Variants in CHLSN observed in about 807,000 individuals in gnomAD.
CHLSN encodes the protein cholesin, also known as protein cholesin.
the CHLSN span, among the ~76,000 whole-genome samples, chr7:1,108,842 C>T: frequency 6.6e-6 from 1 of 152,124 alleles, no homozygotes; most frequent in South Asian, 2.1e-4. Flanking sequence ...TCTTTACCAC[C>T]TGCTTTTGAA....
the CHLSN span, among the ~76,000 whole-genome samples, chr7:1,124,222 C>T: frequency 6.6e-6 from 1 of 152,006 alleles, no homozygotes; most frequent in Non-Finnish European, 1.5e-5. Context: ...GACACCACTC[C>T]CTCACTTGGG....
chr7:1,127,420 G>T, the CHLSN span: 1 of 1,578,554 alleles, frequency 6.3e-7, no homozygotes, highest in Non-Finnish European at 8.6e-7. Context: ...TGAAGACAAG[G>T]AAATGAAAGG....
chr7:1,121,111 G>A, the CHLSN span, among the ~76,000 whole-genome samples: 24 of 152,312 alleles, frequency 1.6e-4, 1 homozygote, highest in South Asian at 3.7e-3. Context: ...CCGGCCTCCC[G>A]CTGCCTACGC....
the CHLSN span, among the ~76,000 whole-genome samples, chr7:1,001,398 G>GGGAGTCCTGTGGGTGAGT: frequency 7.0e-6 from 1 of 143,466 alleles, no homozygotes; most frequent in African/African-American, 2.6e-5. Flanking sequence ...CCTGTGGGTG[G>GGGAGTCCTGTGGGTGAGT]GGAGTCCTGT....
the CHLSN span, among the ~76,000 whole-genome samples, chr7:1,011,035 C>A: frequency 6.6e-6 from 1 of 151,030 alleles, no homozygotes; most frequent in Non-Finnish European, 1.5e-5. Flanking sequence ...GTGAGGCAAG[C>A]CCCCCTACAT....
chr7:1,016,652 CACACA>C, the CHLSN span, among the ~76,000 whole-genome samples: 8,536 of 102,400 alleles, frequency 0.083, 1,492 homozygotes, highest in African/African-American at 0.095. Flanking sequence ...CGCACAGCAG[CACACA>C]GCAGCGCACA....
At chr7:1,085,182 G>A in the CHLSN span, among the ~76,000 whole-genome samples, 1 of 152,252 alleles carries the variant, frequency 6.6e-6, no homozygotes, top group African/African-American at 2.4e-5. Context: ...TTGGCTATGT[G>A]TGCATTTAGC....
At chr7:1,006,747 G>A in the CHLSN span, among the ~76,000 whole-genome samples, 77 of 151,030 alleles carry the variant, frequency 5.1e-4, no homozygotes, top group African/African-American at 1.8e-3. Context: ...AGCGCACGAT[G>A]GCCACATTGC....
chr7:1,125,284 T>C, the CHLSN span, among the ~76,000 whole-genome samples: 1 of 152,216 alleles, frequency 6.6e-6, no homozygotes. Flanking sequence ...GGAAGCCGCT[T>C]TGAAGGGCCC....
chr7:1,068,617 C>G, the CHLSN span, among the ~76,000 whole-genome samples: 2 of 152,268 alleles, frequency 1.3e-5, no homozygotes, highest in South Asian at 4.1e-4. Context: ...GTTGCCGATG[C>G]CTGCTTGTCG....
the CHLSN span, among the ~76,000 whole-genome samples, chr7:1,047,258 G>A: frequency 6.6e-6 from 1 of 152,180 alleles, no homozygotes; most frequent in Non-Finnish European, 1.5e-5. Flanking sequence ...CCCAGAGCCC[G>A]TCCTGGAGCC....
the CHLSN span, among the ~76,000 whole-genome samples, chr7:995,010 A>ACGGACGTGAGGGT: frequency 1.3e-5 from 2 of 152,172 alleles, no homozygotes; most frequent in Non-Finnish European, 2.9e-5. Context: ...GACGTGAGGG[A>ACGGACGTGAGGGT]CGGACGTGAG....
At chr7:994,357 C>CT in the CHLSN span, among the ~76,000 whole-genome samples, 1 of 152,022 alleles carries the variant, frequency 6.6e-6, no homozygotes, top group African/African-American at 2.4e-5. Context: ...GATGGGCTTT[C>CT]ACCAGGTTGG....
the CHLSN span, among the ~76,000 whole-genome samples, chr7:1,089,224 C>G: frequency 6.6e-6 from 1 of 152,156 alleles, no homozygotes; most frequent in Non-Finnish European, 1.5e-5. Context: ...TTATGCTGTT[C>G]AATGGTATTA....
chr7:1,124,040 C>A, the CHLSN span, among the ~76,000 whole-genome samples: 1 of 152,358 alleles, frequency 6.6e-6, no homozygotes, highest in South Asian at 2.1e-4. Flanking sequence ...ACTCTGCCGG[C>A]AGCTGCGTGT....
the CHLSN span, among the ~76,000 whole-genome samples, chr7:1,125,005 G>A: frequency 6.6e-6 from 1 of 152,224 alleles, no homozygotes; most frequent in South Asian, 2.1e-4. Context: ...GGGTGGCAGT[G>A]AGAGACGACC....
At chr7:987,381 C>A in the CHLSN span, 1 of 1,594,692 alleles carries the variant, frequency 6.3e-7, no homozygotes, top group Non-Finnish European at 8.5e-7. Context: ...GCGTGCTGGG[C>A]CCTGGGCGGA....
chr7:1,100,754 A>G, the CHLSN span, among the ~76,000 whole-genome samples: 4 of 151,696 alleles, frequency 2.6e-5, no homozygotes, highest in Non-Finnish European at 4.4e-5. Context: ...CGGCCTCCAC[A>G]GGGGCTTCTT....
the CHLSN span, among the ~76,000 whole-genome samples, chr7:1,016,951 A>AGC: frequency 6.8e-6 from 1 of 146,100 alleles, no homozygotes; most frequent in African/African-American, 2.6e-5. Context: ...AGCACACGCC[A>AGC]GCGCACAGCA....
Sources: allele counts gnomAD v4.1 joint callset (sites outside exome capture counted in the v4.1 genomes callset), GRCh38; gene constraint gnomAD v4.1.1; transcripts MANE v1.5; gene names NCBI Gene and HGNC (gene_info 2026-07-23, HGNC 2026-07-21).